Variants in STK33 observed in about 807,000 individuals in gnomAD.
The protein encoded by STK33 is serine/threonine-protein kinase 33.
In STK33, 52 loss-of-function variants were observed where a neutral mutation model predicts 58.0. That is an observed-to-expected ratio of 0.90 (90% CI 0.72 to 1.13). STK33 has a LOEUF of 1.13. Ranked by LOEUF, STK33 falls within the 50% of genes most tolerant of loss-of-function variation. The pLI, the probability that STK33 is intolerant of heterozygous loss-of-function variation, is 0.00. For synonymous variants in STK33, 215 were observed against 200.1 expected (o/e 1.07, Z -0.63); for missense variants, 630 against 604.2 (o/e 1.04, Z -0.45).
intron 15 of STK33, among the ~76,000 whole-genome samples, chr11:8,403,079 A>C (rs976401147): frequency 3.3e-5 from 5 of 152,232 alleles, no homozygotes; most frequent in Non-Finnish European, 4.4e-5. Flanking sequence ...ATAACAGAGG[A>C]ATTTCAACAC....
Position 8,476,706 on chromosome 11 carries a change from T to A in STK33, c.-181A>T, listed in dbSNP as rs1417858188. 1 of 152,268 alleles carries A rather than the reference T, an allele frequency of 6.6e-6. No homozygotes were observed. The highest frequency in any genetic ancestry group is 1.5e-5 in the Non-Finnish European group (1 of 68,062). The allele number at this position is 152,268 out of a possible 1,614,324, so 9.4% of individuals were successfully genotyped here. The stretch of plus-strand genomic sequence containing the variant: ...CCTTACCTTGCTTTGTTTTTCTTCA[T>A]GCCACTTATCATTTCACTCAGGAAG... On this transcript the variant is annotated 5_prime_UTR_variant, in exon 4 of 16. The change abolishes an upstream ATG in the 5' untranslated region. Transcript: ENST00000687296.
At chr11:8,470,206 T>C (rs1020171200) in intron 6 of STK33, among the ~76,000 whole-genome samples, 1 of 152,254 alleles carries the variant, frequency 6.6e-6, no homozygotes, top group Non-Finnish European at 1.5e-5. Flanking sequence ...ATGTCTTAGG[T>C]AGATCTTCTG....
the STK33 span, among the ~76,000 whole-genome samples, chr11:8,336,926 C>A: frequency 3.9e-5 from 6 of 152,238 alleles, no homozygotes; most frequent in South Asian, 6.2e-4. Context: ...TCTCCTGCAC[C>A]ACCGTGGCTC....
intron 14 of STK33, among the ~76,000 whole-genome samples, chr11:8,427,360 T>A (rs1024546536): frequency 2.6e-5 from 4 of 152,218 alleles, no homozygotes; most frequent in African/African-American, 4.8e-5. Flanking sequence ...TTCTTTTTTA[T>A]ATGATCTGCT....
At chr11:8,543,006 C>G (rs150369444) in intron 1 of STK33, among the ~76,000 whole-genome samples, 1 of 152,152 alleles carries the variant, frequency 6.6e-6, no homozygotes, top group Admixed American at 6.5e-5. Flanking sequence ...CCACTGCACC[C>G]GGCCTGGTTT....
intron 1 of STK33, among the ~76,000 whole-genome samples, chr11:8,527,505 T>A (rs547393335): frequency 6.6e-6 from 1 of 151,910 alleles, no homozygotes. Flanking sequence ...TATCCCAAGG[T>A]ATTTCCCCAG....
At chr11:8,454,319 T>C (rs994121175) in intron 10 of STK33, among the ~76,000 whole-genome samples, 3 of 152,168 alleles carry the variant, frequency 2.0e-5, no homozygotes, top group Non-Finnish European at 2.9e-5. Context: ...TTAATTGTAC[T>C]TAGGACATAA....
intron 1 of STK33, among the ~76,000 whole-genome samples, chr11:8,562,096 G>A (rs1957151606): frequency 6.6e-6 from 1 of 152,136 alleles, no homozygotes; most frequent in Non-Finnish European, 1.5e-5. Flanking sequence ...ATTTCTTTAA[G>A]TGAATACAGA....
intron 14 of STK33, among the ~76,000 whole-genome samples, chr11:8,422,679 A>G (rs1193270285): frequency 6.6e-6 from 1 of 152,138 alleles, no homozygotes; most frequent in Non-Finnish European, 1.5e-5. Flanking sequence ...ATATTTTTCT[A>G]GGAAAAGAAT....
chr11:8,501,514 T>TA (rs2139133228), intron 1 of STK33, among the ~76,000 whole-genome samples: 1 of 152,066 alleles, frequency 6.6e-6, no homozygotes, highest in South Asian at 2.1e-4. Context: ...ACAGCTATAG[T>TA]AAAAAACAAA....
the STK33 span, among the ~76,000 whole-genome samples, chr11:8,366,403 C>G: frequency 6.6e-6 from 1 of 152,214 alleles, no homozygotes; most frequent in Non-Finnish European, 1.5e-5. Flanking sequence ...GCCAGCCCCA[C>G]AGGAGACGGT....
intron 1 of STK33, among the ~76,000 whole-genome samples, chr11:8,489,539 G>T (rs1382323640): frequency 6.6e-6 from 1 of 152,092 alleles, no homozygotes; most frequent in East Asian, 1.9e-4. Context: ...AAGCAAGCAT[G>T]CAAGAGAGAG....
At chr11:8,502,099 T>G (rs968683234) in intron 1 of STK33, among the ~76,000 whole-genome samples, 4 of 152,174 alleles carry the variant, frequency 2.6e-5, no homozygotes, top group African/African-American at 9.7e-5. Flanking sequence ...GTGTGATGAT[T>G]GTACAACCAT....
At chr11:8,350,262 C>A in the STK33 span, among the ~76,000 whole-genome samples, 1 of 152,170 alleles carries the variant, frequency 6.6e-6, no homozygotes, top group Non-Finnish European at 1.5e-5. Context: ...AGGAGCAGGG[C>A]CCAGACTCCC....
intron 1 of STK33, among the ~76,000 whole-genome samples, chr11:8,590,389 A>G (rs1306673881): frequency 6.6e-6 from 1 of 151,566 alleles, no homozygotes; most frequent in East Asian, 1.9e-4. Context: ...ATGAATGTTT[A>G]TAATAGTCAA....
the STK33 span, among the ~76,000 whole-genome samples, chr11:8,354,151 C>T: frequency 1.3e-5 from 2 of 152,176 alleles, no homozygotes; most frequent in East Asian, 3.9e-4. Context: ...ACTATGTTAC[C>T]CACCGTGTCT....
At chr11:8,371,735 C>CCCTCCCTCCCTCTCTCCCTCCCTT in the STK33 span, among the ~76,000 whole-genome samples, 81 of 113,998 alleles carry the variant, frequency 7.1e-4, no homozygotes, top group Middle Eastern at 4.2e-3. Context: ...CTTCTTCTCT[C>CCCTCCCTCCCTCTCTCCCTCCCTT]CCTCCCTCCC....
chr11:8,441,374 C>T (rs1369853264), intron 11 of STK33, among the ~76,000 whole-genome samples: 3 of 150,446 alleles, frequency 2.0e-5, no homozygotes, highest in African/African-American at 7.3e-5. Flanking sequence ...TTTTTTGAGA[C>T]AGGGTCTCAC....
At chr11:8,463,802 A>T (rs1293800548) in intron 7 of STK33, among the ~76,000 whole-genome samples, 1 of 152,198 alleles carries the variant, frequency 6.6e-6, no homozygotes, top group African/African-American at 2.4e-5. Flanking sequence ...TATGATAGTT[A>T]TATAACCCAA....
Sources: gnomAD v4.1 joint callset for allele counts (sites outside exome capture counted in the v4.1 genomes callset) on GRCh38, gnomAD v4.1.1 for gene constraint, MANE v1.5 for transcripts, NCBI Gene and HGNC (gene_info 2026-07-23, HGNC 2026-07-21) for gene names.